WDHD1: variants seen among roughly 807,000 people sequenced by gnomAD.
WDHD1 encodes WD repeat and HMG-box DNA binding protein 1.
Under a neutral mutation model 135.4 loss-of-function variants are expected in WDHD1, and 111 were observed. The ratio of observed to expected loss-of-function variants is 0.82; its 90% CI spans 0.70 to 0.96. The LOEUF (loss-of-function observed/expected upper bound fraction) is 0.96, where lower values mean the gene tolerates loss of function less well. WDHD1 is among the 40% of genes least tolerant of loss of function. The probability of loss-of-function intolerance (pLI) is 0.00; values close to 1 mark genes in which losing one functional copy is unlikely to be tolerated. For missense variants in WDHD1, 1,351 were observed against 1,336.3 expected (o/e 1.01, Z -0.17); for synonymous variants, 434 against 439.0 (o/e 0.99, Z 0.14).
intron 5 of WDHD1, 32 bp downstream of exon 5, chr14:55,008,576 A>G (rs1156354066): frequency 6.4e-7 from 1 of 1,558,806 alleles, no homozygotes; most frequent in East Asian, 2.2e-5. Context: ...ATATTCAGGA[A>G]AAACACAAAA....
At chr14:54,989,559 AT>A (rs1160409168) in intron 12 of WDHD1, among the ~76,000 whole-genome samples, 3 of 152,182 alleles carry the variant, frequency 2.0e-5, no homozygotes, top group African/African-American at 7.2e-5. Flanking sequence ...CAAAAGAAAT[AT>A]TTCAAAAATT....
At chr14:55,017,301 T>C (rs1242741681) in intron 2 of WDHD1, among the ~76,000 whole-genome samples, 1 of 152,210 alleles carries the variant, frequency 6.6e-6, no homozygotes, top group African/African-American at 2.4e-5. Flanking sequence ...TAACTACATA[T>C]TAATTTTATT....
chr14:54,987,289 T>C lies in WDHD1; in HGVS notation c.1625A>G (p.Gln542Arg), dbSNP rs368650936. Reference protein sequence around the residue: ...NEDIEAICLGQGWAAAATSAL... With the variant: ...NEDIEAICLGRGWAAAATSAL... ...ACTAGTAGCGGCAGCAGCCCATCCT[T>C]GACCGAGACATATGGCTTCAATATC... The change falls in exon 14 of 26, where the codon CAA (glutamine) becomes CGA (arginine). Residue 542 changes from glutamine to arginine, a missense_variant. Transcript: ENST00000360586. The C allele has an allele frequency of 1.2e-5, 20 of 1,614,140 alleles. No individual in the cohort carries two copies. The highest frequency in any genetic ancestry group is 1.6e-5 in the Non-Finnish European group (19 of 1,180,040).
At chr14:54,972,033 G>A (rs2041442727) in intron 16 of WDHD1, among the ~76,000 whole-genome samples, 2 of 151,758 alleles carry the variant, frequency 1.3e-5, no homozygotes, top group African/African-American at 4.8e-5. Context: ...AGCACTTTGG[G>A]AGGCCGAGGC....
At chr14:55,012,031 C>T (rs1289397644) in intron 3 of WDHD1, among the ~76,000 whole-genome samples, 2 of 152,104 alleles carry the variant, frequency 1.3e-5, no homozygotes, top group African/African-American at 4.8e-5. Flanking sequence ...ATGTATCCAG[C>T]CACTATGTAT....
At chr14:55,007,473 T>A in intron 6 of WDHD1, 98 bp from the exon 7 acceptor site, 1 of 852,182 alleles carries the variant, frequency 1.2e-6, no homozygotes, top group Non-Finnish European at 1.8e-6. Context: ...AATCAATATA[T>A]ATCTCAGAAA....
At chr14:54,997,959 C>T (rs1185294994) in intron 10 of WDHD1, among the ~76,000 whole-genome samples, 2 of 151,532 alleles carry the variant, frequency 1.3e-5, no homozygotes, top group Non-Finnish European at 2.9e-5. Flanking sequence ...TGTCTGTAAC[C>T]CTAGCACTTT....
At position 55,008,334 on chromosome 14, in the gene WDHD1, C is replaced by T. The variant is rs960287019; in HGVS notation, c.486G>A (p.Val162=). The part of the protein sequence containing the change: ...ASASCDGSVR[V]WQISDQTCAI... ...AGTTTACCTGATCTGAAATTTGCCA[C>T]ACTCTGACAGATCCATCACAACTAG... The change falls in exon 6 of 26, where the codon GTG becomes GTA. Residue 162 remains valine, a synonymous_variant. Transcript: ENST00000360586. 2.5e-6 allele frequency: 4 copies of T among 1,613,350 alleles called. No individual in the cohort carries two copies. In the African/African-American group the frequency reaches 5.3e-5, roughly 22 times the overall value.
At chr14:54,979,403 G>T (rs922652190) in intron 16 of WDHD1, among the ~76,000 whole-genome samples, 8 of 152,064 alleles carry the variant, frequency 5.3e-5, no homozygotes, top group Admixed American at 5.2e-4. Flanking sequence ...CATTCCTCCC[G>T]CCTTGGGCTC....
At chr14:54,976,292 G>A (rs546168769) in intron 16 of WDHD1, among the ~76,000 whole-genome samples, 9 of 152,148 alleles carry the variant, frequency 5.9e-5, no homozygotes, top group Admixed American at 2.0e-4. Flanking sequence ...TGGGGTGCAG[G>A]GGCTGTATAA....
At chr14:55,003,956 C>G (rs1183908326) in intron 7 of WDHD1, among the ~76,000 whole-genome samples, 2 of 152,322 alleles carry the variant, frequency 1.3e-5, no homozygotes, top group East Asian at 3.9e-4. Flanking sequence ...ACTTTGCACA[C>G]TATGGAAATT....
At chr14:54,946,459 T>C (rs2040926782) in intron 24 of WDHD1, among the ~76,000 whole-genome samples, 2 of 152,236 alleles carry the variant, frequency 1.3e-5, no homozygotes, top group Non-Finnish European at 2.9e-5. Context: ...AACCAACTGA[T>C]AGTATGAAAA....
intron 10 of WDHD1, among the ~76,000 whole-genome samples, chr14:54,997,340 C>T (rs2041898862): frequency 1.3e-5 from 2 of 152,098 alleles, no homozygotes; most frequent in Admixed American, 1.3e-4. Flanking sequence ...AGGTGATAAA[C>T]CCACCTCGGC....
At chr14:54,983,444 G>A (rs145468141) in intron 15 of WDHD1, among the ~76,000 whole-genome samples, 4,897 of 151,970 alleles carry the variant, frequency 0.032, 253 homozygotes, top group African/African-American at 0.11. Context: ...AGGTCGAGGC[G>A]GGTGGATCAC....
chr14:54,954,621 T>C (rs953347536), intron 24 of WDHD1, among the ~76,000 whole-genome samples: 5 of 152,250 alleles, frequency 3.3e-5, no homozygotes, highest in African/African-American at 1.2e-4. Context: ...CTATGACATG[T>C]CTATTCAATG....
At chr14:54,996,217 G>A (rs571208039) in intron 10 of WDHD1, among the ~76,000 whole-genome samples, 50 of 149,610 alleles carry the variant, frequency 3.3e-4, no homozygotes, top group Non-Finnish European at 6.3e-4. Context: ...TACTGCATAA[G>A]ATACATTTTC....
chr14:54,969,295 G>A (rs2041393861), intron 16 of WDHD1, among the ~76,000 whole-genome samples: 1 of 151,324 alleles, frequency 6.6e-6, no homozygotes, highest in Admixed American at 6.6e-5. Flanking sequence ...CAAAGTGCTG[G>A]GATTACAGGC....
chr14:54,946,943 T>A (rs540090023), intron 24 of WDHD1, among the ~76,000 whole-genome samples: 1 of 152,246 alleles, frequency 6.6e-6, no homozygotes, highest in Non-Finnish European at 1.5e-5. Flanking sequence ...CTCAGGAGGC[T>A]GAGGCATGAG....
At chr14:54,998,584 G>A (rs1370490658) in intron 10 of WDHD1, among the ~76,000 whole-genome samples, 3 of 151,968 alleles carry the variant, frequency 2.0e-5, no homozygotes, top group African/African-American at 7.3e-5. Context: ...TCTTTTAGTT[G>A]TTTCTTTGCT....
Sources: allele counts gnomAD v4.1 joint callset (sites outside exome capture counted in the v4.1 genomes callset), GRCh38; gene constraint gnomAD v4.1.1; transcripts MANE v1.5; gene names NCBI Gene and HGNC (gene_info 2026-07-23, HGNC 2026-07-21).